Variants in BICD1 observed in about 807,000 individuals in gnomAD.
BICD1 encodes BICD cargo adaptor 1, also known as protein bicaudal D homolog 1.
BICD1 carries 35 observed loss-of-function variants against 92.5 expected under a neutral mutation model. That is an observed-to-expected ratio of 0.38 (90% CI 0.29 to 0.50). The LOEUF is 0.50. Among genes scored for constraint, BICD1 ranks in the 20% least tolerant of loss-of-function variants. BICD1 has a pLI of 0.93. For synonymous variants in BICD1, 429 were observed against 465.1 expected, an observed-to-expected ratio of 0.92 and a Z score of 1.00; for missense variants, 950 against 1,189.8, an observed-to-expected ratio of 0.80 and a Z score of 2.97.
At chr12:32,329,349 G>A (rs991164270) in intron 5 of BICD1, among the ~76,000 whole-genome samples, 5 of 151,988 alleles carry the variant, frequency 3.3e-5, no homozygotes, top group East Asian at 1.9e-4. Context: ...CGCCCACCTC[G>A]GCCTCCCAAA....
At chr12:32,182,601 A>G (rs1944309277) in intron 1 of BICD1, among the ~76,000 whole-genome samples, 1 of 151,498 alleles carries the variant, frequency 6.6e-6, no homozygotes, top group South Asian at 2.1e-4. Context: ...CATTTCTTTT[A>G]TATGTAAATT....
chr12:32,242,354 G>A (rs895824861), intron 2 of BICD1, among the ~76,000 whole-genome samples: 1 of 151,276 alleles, frequency 6.6e-6, no homozygotes, highest in Non-Finnish European at 1.5e-5. Flanking sequence ...TGTGAAACCA[G>A]TCTCTACTAA....
At chr12:32,366,432 C>T (rs962590341) in intron 8 of BICD1, among the ~76,000 whole-genome samples, 19 of 152,122 alleles carry the variant, frequency 1.2e-4, no homozygotes, top group African/African-American at 3.9e-4. Context: ...CCAGCCTGAC[C>T]AATATGGTGA....
At chr12:32,346,633 TACGTGTATATATATATATATATATACAC>T (rs1938634975) in intron 8 of BICD1, among the ~76,000 whole-genome samples, 6 of 18,082 alleles carry the variant, frequency 3.3e-4, no homozygotes, top group African/African-American at 1.7e-3. Flanking sequence ...TATATATATA[TACGTGTATATATATATATATATATACAC>T]ACACACACGC....
intron 1 of BICD1, among the ~76,000 whole-genome samples, chr12:32,182,154 G>T (rs1004896597): frequency 6.6e-6 from 1 of 151,782 alleles, no homozygotes; most frequent in African/African-American, 2.4e-5. Context: ...AGTTCAGAAA[G>T]GTGGTGGTAA....
chr12:32,207,579 T>C (rs1284218194), intron 1 of BICD1, among the ~76,000 whole-genome samples: 1 of 152,148 alleles, frequency 6.6e-6, no homozygotes, highest in Non-Finnish European at 1.5e-5. Context: ...TGAAAAATGG[T>C]TTTCAGAATA....
chr12:32,150,839 AC>A (rs1433732481), intron 1 of BICD1, among the ~76,000 whole-genome samples: 2 of 152,136 alleles, frequency 1.3e-5, no homozygotes, highest in Non-Finnish European at 2.9e-5. Flanking sequence ...AGAGACAAGA[AC>A]CCCTTCCACA....
intron 3 of BICD1, among the ~76,000 whole-genome samples, chr12:32,296,265 T>G (rs1330354772): frequency 2.2e-4 from 32 of 146,908 alleles, no homozygotes; most frequent in Middle Eastern, 3.4e-3. Flanking sequence ...TGTTTTTTTT[T>G]TTTTTTTTTG....
At position 32,294,057 on chromosome 12, in the gene BICD1, C is replaced by T. The variant is rs756217437; in HGVS notation, c.490C>T (p.Arg164Trp). The change falls in exon 3 of 10, where the codon CGG (arginine) becomes TGG (tryptophan). Residue 164 changes from arginine to tryptophan, a missense_variant. Coordinates refer to ENST00000652176, the MANE Select transcript of BICD1 (RefSeq NM_001714.4). ...GGATGAAATCCGAGAATATAAGTTC[C>T]GGGAGGCACGGCTCCTTCAGGACTA... The part of the protein sequence containing the change: ...MKDEIREYKF[R>W]EARLLQDYTE... 7.4e-6 allele frequency: 12 copies of T among 1,612,496 alleles called. No individual in the cohort carries two copies. In the South Asian group the frequency reaches 7.7e-5, roughly 10 times the overall value.
At chr12:32,276,070 AG>A (rs1403547219) in intron 2 of BICD1, among the ~76,000 whole-genome samples, 1 of 152,222 alleles carries the variant, frequency 6.6e-6, no homozygotes, top group East Asian at 1.9e-4. Context: ...GCGACCATGA[AG>A]GGACCTCCGA....
chr12:32,303,003 G>C (rs1368144969), intron 3 of BICD1, among the ~76,000 whole-genome samples: 1 of 148,192 alleles, frequency 6.7e-6, no homozygotes, highest in Non-Finnish European at 1.5e-5. Flanking sequence ...ACACCATCAG[G>C]GCTCACTGCA....
intron 3 of BICD1, among the ~76,000 whole-genome samples, chr12:32,296,394 A>T (rs569977337): frequency 6.6e-6 from 1 of 151,632 alleles, no homozygotes; most frequent in East Asian, 2.0e-4. Flanking sequence ...AGTAGCTGGG[A>T]CTACATGCAT....
chr12:32,342,781 A>C (rs1938430082), intron 8 of BICD1, among the ~76,000 whole-genome samples: 1 of 152,238 alleles, frequency 6.6e-6, no homozygotes, highest in African/African-American at 2.4e-5. Flanking sequence ...AGTTACTTTC[A>C]AATAGATTTT....
chr12:32,298,868 C>T (rs1947954755), intron 3 of BICD1, among the ~76,000 whole-genome samples: 1 of 99,678 alleles, frequency 1.0e-5, no homozygotes. Context: ...GAAACTCCAT[C>T]TCAAAAAAAA....
At chr12:32,320,160 G>A (rs1948611648) in intron 4 of BICD1, among the ~76,000 whole-genome samples, 1 of 152,106 alleles carries the variant, frequency 6.6e-6, no homozygotes, top group Non-Finnish European at 1.5e-5. Flanking sequence ...GCATATCGAT[G>A]CTATGTATAC....
chr12:32,184,407 C>T (rs1441346548), intron 1 of BICD1, among the ~76,000 whole-genome samples: 2 of 152,150 alleles, frequency 1.3e-5, no homozygotes, highest in African/African-American at 4.8e-5. Context: ...CTGCCTCAGC[C>T]TCCCGAGTAG....
At chr12:32,324,431 T>A (rs1169461482) in intron 4 of BICD1, among the ~76,000 whole-genome samples, 5 of 152,144 alleles carry the variant, frequency 3.3e-5, no homozygotes, top group African/African-American at 1.2e-4. Flanking sequence ...CATCCTCATT[T>A]CTAAGTTTGG....
intron 2 of BICD1, among the ~76,000 whole-genome samples, chr12:32,282,597 G>T (rs1947449575): frequency 6.6e-6 from 1 of 152,102 alleles, no homozygotes; most frequent in African/African-American, 2.4e-5. Flanking sequence ...ACGCAAGGAG[G>T]TATCTAAAGC....
chr12:32,115,491 T>TACTTGTG (rs2121173952), intron 1 of BICD1, among the ~76,000 whole-genome samples: 1 of 152,102 alleles, frequency 6.6e-6, no homozygotes, highest in East Asian at 1.9e-4. Context: ...GGCAGGTATT[T>TACTTGTG]ACGAGACAAA....
Sources: allele counts gnomAD v4.1 joint callset (sites outside exome capture counted in the v4.1 genomes callset), GRCh38; gene constraint gnomAD v4.1.1; transcripts MANE v1.5; gene names NCBI Gene and HGNC (gene_info 2026-07-23, HGNC 2026-07-21).